Variants in MMD observed in about 807,000 individuals in gnomAD.
MMD encodes the protein monocyte to macrophage differentiation associated.
A neutral mutation model predicts 33.6 loss-of-function variants in MMD; 22 were observed. That is an observed-to-expected ratio of 0.66 (90% CI 0.47 to 0.94). The LOEUF (loss-of-function observed/expected upper bound fraction) is 0.94. Ranked by LOEUF, MMD falls within the 40% of genes least tolerant of loss-of-function variation. MMD has a pLI of 0.00. For synonymous variants in MMD, 97 were observed against 103.2 expected (o/e 0.94, Z 0.36); for missense variants, 242 against 309.8 (o/e 0.78, Z 1.64).
Position 55,407,840 on chromosome 17 carries a change from A to G in MMD, c.270-20T>C, listed in dbSNP as rs769427604. 8.5e-6 allele frequency: 13 copies of G among 1,535,292 alleles called. No individual in the cohort carries two copies. The highest frequency in any genetic ancestry group is 2.3e-5 in the Admixed American group (1 of 43,024). ...ACTGTCCTAGCGAGGGGGAAAAAAAAGTAAATTTGTCAGAAAGTGTTCAGA... is the reference window on the plus strand; with the variant it reads ...ACTGTCCTAGCGAGGGGGAAAAAAAGGTAAATTTGTCAGAAAGTGTTCAGA... On this transcript the variant is annotated intron_variant, in intron 3 of 6. Coordinates refer to ENST00000262065, the MANE Select transcript of MMD (RefSeq NM_012329.3).
Position 55,392,652 on chromosome 17 carries a change from C to T in MMD, c.*1682G>A, listed in dbSNP as rs1830935947. 6.6e-6 allele frequency: 1 copy of T among 152,572 alleles called. No homozygotes were observed. Among genetic ancestry groups the T allele is most frequent in the Admixed American group, 6.5e-5 (1 of 15,272 alleles). 9.5% of individuals were successfully genotyped at this position (152,572 alleles called of 1,614,324 possible). A position where few individuals can be genotyped will look rare whatever the true frequency, so the allele number is the denominator to read the frequency against. On this transcript the variant is annotated 3_prime_UTR_variant, in exon 7 of 7. Coordinates refer to ENST00000262065, the MANE Select transcript of MMD (RefSeq NM_012329.3). ...GTAACAACTTTATTGTAGTATACAG[C>T]ACAATTTTTACATACATATTAGTGG...
At chr17:55,411,801 G>A (rs143610967) in intron 2 of MMD, among the ~76,000 whole-genome samples, 2 of 152,270 alleles carry the variant, frequency 1.3e-5, no homozygotes, top group African/African-American at 2.4e-5. Context: ...AGCAGGCAGG[G>A]TGTGGTAGCT....
chr17:55,406,102 TTTCAAAAACA>T (rs1907532714), intron 4 of MMD, among the ~76,000 whole-genome samples: 2 of 150,606 alleles, frequency 1.3e-5, no homozygotes, highest in African/African-American at 5.0e-5. Context: ...ATGGCTTAAG[TTTCAAAAACA>T]GGCTGGGTGC....
At chr17:55,401,613 CT>C in intron 5 of MMD, 75 bp from the exon 6 acceptor site, 1 of 1,242,528 alleles carries the variant, frequency 8.0e-7, no homozygotes, top group Non-Finnish European at 1.1e-6. Context: ...CCAGCCTTTC[CT>C]TTTTACTTTT....
intron 1 of MMD, among the ~76,000 whole-genome samples, chr17:55,418,376 G>C (rs1908051484): frequency 6.6e-6 from 1 of 152,174 alleles, no homozygotes; most frequent in South Asian, 2.1e-4. Context: ...TGAATAGAAA[G>C]ACATTCCAGC....
chr17:55,417,074 C>A (rs1411405511), intron 1 of MMD, among the ~76,000 whole-genome samples: 2 of 152,112 alleles, frequency 1.3e-5, no homozygotes, highest in Non-Finnish European at 2.9e-5. Flanking sequence ...TGGGAACACT[C>A]CTTAGCACAC....
At chr17:55,409,906 C>G (rs1907697991) in intron 3 of MMD, among the ~76,000 whole-genome samples, 1 of 152,174 alleles carries the variant, frequency 6.6e-6, no homozygotes, top group Non-Finnish European at 1.5e-5. Flanking sequence ...GACAGTGTGT[C>G]CTAAGGAGCC....
At chr17:55,407,926 G>T in intron 3 of MMD, 106 bp from the exon 4 acceptor site, 1 of 728,384 alleles carries the variant, frequency 1.4e-6, no homozygotes, top group Non-Finnish European at 2.2e-6. Context: ...TAGTTCTCAT[G>T]GCCTTTACAC....
intron 6 of MMD, 106 bp downstream of exon 6, chr17:55,401,363 T>G (rs556980807): frequency 6.1e-6 from 6 of 976,508 alleles, no homozygotes; most frequent in Non-Finnish European, 7.5e-6. Flanking sequence ...GAGCCTCTAT[T>G]TAATGGACAT....
intron 4 of MMD, among the ~76,000 whole-genome samples, chr17:55,406,082 T>C (rs1441443756): frequency 2.0e-5 from 3 of 152,212 alleles, no homozygotes; most frequent in Non-Finnish European, 4.4e-5. Context: ...TTGAGGTGAA[T>C]TGAAGACAAA....
intron 1 of MMD, chr17:55,420,365 G>A (rs1908132126): frequency 6.6e-6 from 1 of 152,160 alleles, no homozygotes; most frequent in African/African-American, 2.4e-5. Flanking sequence ...TTTGCCCTTA[G>A]ACACACCGGT....
At position 55,421,735 on chromosome 17, in the gene MMD, C is replaced by A; in HGVS notation, c.-40G>T. The A allele has an allele frequency of 6.4e-7, 1 of 1,567,378 alleles. No individual in the cohort carries two copies. Among genetic ancestry groups the A allele is most frequent in the Non-Finnish European group, 8.6e-7 (1 of 1,160,126 alleles). ...TCCTCGGGGGCCAGGAGCTCCGTCT[C>A]GTCAGCACCGGCGGCCGGGCGCGCG... is the stretch of plus-strand genomic sequence containing the variant. On this transcript the variant is annotated 5_prime_UTR_variant, in exon 1 of 7. An upstream open reading frame in the 5' UTR gains an earlier in-frame stop. Transcript: ENST00000262065.
In MMD at chr17:55,421,140, T is replaced by C. The variant is rs564078845; in HGVS notation, c.26+530A>G. 2.6e-5 allele frequency among the ~76,000 whole-genome samples: 4 copies of C among 152,278 alleles called. No individual in the cohort carries two copies. The South Asian group carries it at 8.3e-4, about 32-fold the overall frequency. On this transcript the variant is annotated intron_variant, in intron 1 of 6. Coordinates refer to ENST00000262065, the MANE Select transcript of MMD (RefSeq NM_012329.3). ...CTGGCGGAGCGTGCCTCAGTTTCCC[T>C]GTTGCTAGGGCCGTTCACAAAGCAC...
At chr17:55,415,570 G>T (rs1907934793) in intron 1 of MMD, among the ~76,000 whole-genome samples, 1 of 152,300 alleles carries the variant, frequency 6.6e-6, no homozygotes, top group Middle Eastern at 3.4e-3. Context: ...TTTAGAGAGT[G>T]CCAAGTTTAT....
intron 4 of MMD, chr17:55,404,723 A>G (rs1907476845): frequency 3.0e-6 from 3 of 985,178 alleles, no homozygotes; most frequent in Non-Finnish European, 1.2e-6. Context: ...GTGAGGTTTG[A>G]ATTTTAAAAT....
chr17:55,400,080 C>T (rs1186917723), intron 6 of MMD, among the ~76,000 whole-genome samples: 2 of 152,124 alleles, frequency 1.3e-5, no homozygotes, highest in Non-Finnish European at 2.9e-5. Flanking sequence ...CTTTTACCAT[C>T]TATATGTATT....
intron 3 of MMD, among the ~76,000 whole-genome samples, chr17:55,410,644 T>C (rs1053852510): frequency 1.3e-5 from 2 of 152,242 alleles, no homozygotes; most frequent in Non-Finnish European, 2.9e-5. Context: ...CAAGACTTAA[T>C]TCTGAAAGCT....
intron 5 of MMD, among the ~76,000 whole-genome samples, chr17:55,402,965 C>T (rs58191399): frequency 0.024 from 3,620 of 152,254 alleles, 154 homozygotes; most frequent in African/African-American, 0.082. Context: ...TTCTGCCAAG[C>T]ACAATAGATA....
intron 1 of MMD, among the ~76,000 whole-genome samples, chr17:55,415,355 C>CAA (rs2143157864): frequency 6.6e-6 from 1 of 151,832 alleles, no homozygotes; most frequent in South Asian, 2.1e-4. Flanking sequence ...TGTAAGACGT[C>CAA]AACAGGCTTT....
Sources: gnomAD v4.1 joint callset for allele counts (sites outside exome capture counted in the v4.1 genomes callset) on GRCh38, gnomAD v4.1.1 for gene constraint, MANE v1.5 for transcripts, NCBI Gene and HGNC (gene_info 2026-07-23, HGNC 2026-07-21) for gene names.